The following MAGI2 variants were observed in gnomAD, a reference collection of about 807,000 sequenced individuals.
MAGI2 encodes membrane associated guanylate kinase, WW and PDZ domain containing 2.
A neutral mutation model predicts 133.3 loss-of-function variants in MAGI2; 35 were observed. The observed-to-expected ratio is 0.26, with a 90% CI of 0.20 to 0.35. The LOEUF is 0.35. Ranked by LOEUF, MAGI2 falls within the 10% of genes least tolerant of loss-of-function variation. The pLI, the probability that MAGI2 is intolerant of heterozygous loss-of-function variation, is 1.00. For missense variants in MAGI2, 1,636 were observed against 1,863.4 expected, an observed-to-expected ratio of 0.88 and a Z score of 2.25; for synonymous variants, 729 against 710.6, an observed-to-expected ratio of 1.03 and a Z score of -0.41.
chr7:79,253,986 AC>A (rs1384695493), intron 1 of MAGI2, among the ~76,000 whole-genome samples: 35 of 25,266 alleles, frequency 1.4e-3, no homozygotes, highest in Non-Finnish European at 5.0e-3. Context: ...GCCCTTCAAA[AC>A]AAAACAAAAC....
chr7:78,108,591 G>A (rs1177207410), intron 20 of MAGI2, among the ~76,000 whole-genome samples: 1 of 151,922 alleles, frequency 6.6e-6, no homozygotes, highest in African/African-American at 2.4e-5. Context: ...TCCACCTGCT[G>A]TTATATTGGG....
In MAGI2 at chr7:78,905,364, G is replaced by A. The variant is rs187322920; in HGVS notation, c.418+101726C>T. On this transcript the variant is annotated intron_variant, in intron 2 of 21. Coordinates refer to ENST00000354212, the MANE Select transcript of MAGI2 (RefSeq NM_012301.4). The stretch of plus-strand genomic sequence containing the variant: ...CCAAGGTTAGGAGCAACTTAAATTA[G>A]TAATCAGTTGCTTACTTCAAAGTCT... 8.5e-5 allele frequency among the ~76,000 whole-genome samples: 13 copies of A among 152,264 alleles called. No individual in the cohort carries two copies. In the East Asian group the frequency reaches 2.3e-3, roughly 27 times the overall value.
At chr7:78,414,902 T>A (rs1798165425) in intron 6 of MAGI2, among the ~76,000 whole-genome samples, 1 of 152,090 alleles carries the variant, frequency 6.6e-6, no homozygotes, top group Admixed American at 6.6e-5. Context: ...CTTCAGAAAT[T>A]CCAACTGATA....
chr7:78,429,430 AG>A (rs1799585917), intron 6 of MAGI2, among the ~76,000 whole-genome samples: 2 of 152,114 alleles, frequency 1.3e-5, no homozygotes, highest in Non-Finnish European at 2.9e-5. Context: ...TAGGGGAGGT[AG>A]AATTTCTCCA....
At chr7:78,623,930 G>A (rs1475476011) in intron 3 of MAGI2, among the ~76,000 whole-genome samples, 1 of 152,046 alleles carries the variant, frequency 6.6e-6, no homozygotes. Context: ...GTTTGTGGAT[G>A]TTAGTATAAC....
At chr7:78,679,178 C>T (rs1017957160) in intron 2 of MAGI2, among the ~76,000 whole-genome samples, 1 of 152,126 alleles carries the variant, frequency 6.6e-6, no homozygotes, top group Non-Finnish European at 1.5e-5. Flanking sequence ...TGCACCCTTT[C>T]CTTTCACTCT....
chr7:78,272,886 C>G (rs1038435294), intron 9 of MAGI2, among the ~76,000 whole-genome samples: 1 of 152,088 alleles, frequency 6.6e-6, no homozygotes, highest in Non-Finnish European at 1.5e-5. Flanking sequence ...GGTCTTGACT[C>G]TTTATCCAAT....
At chr7:78,722,747 G>A (rs1820387947) in intron 2 of MAGI2, among the ~76,000 whole-genome samples, 1 of 151,974 alleles carries the variant, frequency 6.6e-6, no homozygotes, top group Non-Finnish European at 1.5e-5. Flanking sequence ...TGATATTAAG[G>A]ACAATTAAAT....
At chr7:78,077,798 C>T (rs1007198423) in intron 21 of MAGI2, among the ~76,000 whole-genome samples, 8 of 130,608 alleles carry the variant, frequency 6.1e-5, no homozygotes, top group African/African-American at 2.4e-4. Flanking sequence ...GGTGTGGTCT[C>T]AGCTCACTGC....
At chr7:78,744,669 T>A (rs144028544) in intron 2 of MAGI2, among the ~76,000 whole-genome samples, 14 of 152,206 alleles carry the variant, frequency 9.2e-5, no homozygotes, top group African/African-American at 3.4e-4. Context: ...TTGTGCTTAA[T>A]AGGTAAATTT....
intron 2 of MAGI2, among the ~76,000 whole-genome samples, chr7:78,897,377 C>CT (rs2151584762): frequency 6.6e-6 from 1 of 152,298 alleles, no homozygotes; most frequent in East Asian, 1.9e-4. Flanking sequence ...TAGAAGGTTT[C>CT]TTACCCTTTT....
intron 20 of MAGI2, among the ~76,000 whole-genome samples, chr7:78,112,488 C>T (rs904175851): frequency 3.3e-5 from 5 of 152,078 alleles, no homozygotes; most frequent in African/African-American, 4.8e-5. Context: ...CAGTGAGGCA[C>T]GTTATAAAAA....
chr7:78,580,633 G>C (rs1433827762), intron 3 of MAGI2, among the ~76,000 whole-genome samples: 1 of 152,152 alleles, frequency 6.6e-6, no homozygotes, highest in Non-Finnish European at 1.5e-5. Flanking sequence ...GCCAAACCTA[G>C]TTAGAAAAAA....
rs1004815287 is a variant in MAGI2 at position 78,649,447 on chromosome 7, C to T, written c.419-22208G>A. On this transcript the variant is annotated intron_variant, in intron 2 of 21. Transcript: ENST00000354212. ...ATCTACAATCATGGCGAAATTTCAA[C>T]ATTGGAGGCTGAGTTTGGCATGTGG... Among the ~76,000 whole-genome samples the T allele has an allele frequency of 6.6e-5, 10 of 152,054 alleles. 2 individuals carry two copies. Among genetic ancestry groups the T allele is most frequent in the Admixed American group, 5.9e-4 (9 of 15,252 alleles).
chr7:78,814,661 T>C (rs1789402287), intron 2 of MAGI2, among the ~76,000 whole-genome samples: 1 of 152,200 alleles, frequency 6.6e-6, no homozygotes, highest in African/African-American at 2.4e-5. Context: ...AAGGATGCTT[T>C]TAACCAAATC....
intron 2 of MAGI2, among the ~76,000 whole-genome samples, chr7:78,774,021 A>G (rs970991479): frequency 2.0e-5 from 3 of 152,182 alleles, no homozygotes; most frequent in African/African-American, 7.2e-5. Context: ...GTCCAAGAAT[A>G]TCTATTTTTA....
chr7:78,054,312 G>A (rs1812329222), intron 21 of MAGI2, among the ~76,000 whole-genome samples: 1 of 152,024 alleles, frequency 6.6e-6, no homozygotes. Flanking sequence ...TTTTAGTAGA[G>A]ATGGGGTTTC....
intron 2 of MAGI2, among the ~76,000 whole-genome samples, chr7:78,799,671 T>C (rs1448613115): frequency 6.6e-6 from 1 of 152,152 alleles, no homozygotes; most frequent in Non-Finnish European, 1.5e-5. Flanking sequence ...ATATTTGCTT[T>C]TGTTCTTCCT....
chr7:78,399,200 A>G (rs1321994938), intron 6 of MAGI2, among the ~76,000 whole-genome samples: 1 of 152,166 alleles, frequency 6.6e-6, no homozygotes, highest in Non-Finnish European at 1.5e-5. Context: ...AAAACATTCT[A>G]AAACGCTTAC....
Sources: allele counts gnomAD v4.1 joint callset (sites outside exome capture counted in the v4.1 genomes callset), GRCh38; gene constraint gnomAD v4.1.1; transcripts MANE v1.5; gene names NCBI Gene and HGNC (gene_info 2026-07-23, HGNC 2026-07-21).